CFTR: variants seen among roughly 807,000 people sequenced by gnomAD.
The protein encoded by CFTR is cystic fibrosis transmembrane conductance regulator.
Under a neutral mutation model 171.6 loss-of-function variants are expected in CFTR, and 181 were observed. The observed-to-expected ratio is 1.05, with a 90% CI of 0.93 to 1.19. The LOEUF is 1.19. Ranked by LOEUF, CFTR falls within the 50% of genes most tolerant of loss-of-function variation. The pLI, the probability that CFTR is intolerant of heterozygous loss-of-function variation, is 0.00. For missense variants in CFTR, 1,968 were observed against 1,734.7 expected (o/e 1.13, Z -2.39); for synonymous variants, 583 against 608.0 (o/e 0.96, Z 0.60).
At chr7:117,552,311 T>C (rs186480714) in intron 10 of CFTR, among the ~76,000 whole-genome samples, 1 of 152,098 alleles carries the variant, frequency 6.6e-6, no homozygotes, top group East Asian at 1.9e-4. Context: ...CATATATATA[T>C]TTTTAACCTG....
chr7:117,530,418 A>C (rs1485516947), intron 3 of CFTR, among the ~76,000 whole-genome samples: 2 of 152,154 alleles, frequency 1.3e-5, no homozygotes, highest in Admixed American at 6.5e-5. Flanking sequence ...TTGAAATTAC[A>C]TCAGGTCACT....
intron 10 of CFTR, among the ~76,000 whole-genome samples, chr7:117,551,141 C>T (rs1584794767): frequency 1.3e-5 from 2 of 152,238 alleles, no homozygotes; most frequent in Middle Eastern, 6.8e-3. Context: ...ACACTGCTTT[C>T]AGGAGCCAAA....
intron 11 of CFTR, among the ~76,000 whole-genome samples, chr7:117,586,941 T>C (rs1407458469): frequency 6.6e-6 from 1 of 152,246 alleles, no homozygotes; most frequent in Non-Finnish European, 1.5e-5. Context: ...TTTTATAAAC[T>C]ATCTTAAAAT....
intron 1 of CFTR, among the ~76,000 whole-genome samples, chr7:117,496,944 G>A (rs922194436): frequency 6.6e-6 from 1 of 150,422 alleles, no homozygotes; most frequent in African/African-American, 2.4e-5. Flanking sequence ...TAATGTTTGT[G>A]GATTTTCTTT....
chr7:117,652,245 T>C (rs1373121994), intron 23 of CFTR, among the ~76,000 whole-genome samples: 1 of 152,196 alleles, frequency 6.6e-6, no homozygotes, highest in Non-Finnish European at 1.5e-5. Context: ...TAAACAATTA[T>C]TTGACTTCTG....
intron 11 of CFTR, among the ~76,000 whole-genome samples, chr7:117,568,880 CTT>C (rs1791644120): frequency 1.3e-5 from 2 of 152,212 alleles, no homozygotes; most frequent in African/African-American, 4.8e-5. Context: ...ACTTTGTACT[CTT>C]TGACCAACAT....
At chr7:117,546,467 CAT>C (rs1799149336) in intron 9 of CFTR, among the ~76,000 whole-genome samples, 1 of 151,944 alleles carries the variant, frequency 6.6e-6, no homozygotes, top group Admixed American at 6.6e-5. Context: ...TGTAAATATA[CAT>C]ATTTATTAAA....
chr7:117,488,777 A>T (rs1798112669), intron 1 of CFTR, among the ~76,000 whole-genome samples: 1 of 152,140 alleles, frequency 6.6e-6, no homozygotes, highest in Admixed American at 6.6e-5. Flanking sequence ...GATTTTGTAT[A>T]ACATTTATAT....
chr7:117,632,714 G>A (rs184760117), intron 22 of CFTR, among the ~76,000 whole-genome samples: 20 of 152,312 alleles, frequency 1.3e-4, no homozygotes, highest in African/African-American at 4.6e-4. Flanking sequence ...GTTGGTGGCA[G>A]GAAGTAGAAA....
intron 1 of CFTR, among the ~76,000 whole-genome samples, chr7:117,495,305 G>T (rs984249103): frequency 6.6e-6 from 1 of 152,088 alleles, no homozygotes; most frequent in African/African-American, 2.4e-5. Context: ...TCCTGGAAAG[G>T]CACTCTGAGG....
intron 23 of CFTR, among the ~76,000 whole-genome samples, chr7:117,644,175 C>CAT (rs1309258549): frequency 6.6e-6 from 1 of 151,750 alleles, no homozygotes; most frequent in Non-Finnish European, 1.5e-5. Context: ...CGATGCTTTT[C>CAT]ATATATGTGT....
intron 11 of CFTR, among the ~76,000 whole-genome samples, chr7:117,578,846 T>C (rs548881111): frequency 2.0e-5 from 3 of 152,116 alleles, no homozygotes; most frequent in South Asian, 2.1e-4. Flanking sequence ...AATGAAGATA[T>C]CTAAATTTCT....
rs780292934 is a variant in CFTR at position 117,627,785 on chromosome 7, C to A, written c.3717+15C>A. On this transcript the variant is annotated intron_variant, in intron 22 of 26. Coordinates refer to ENST00000003084, the MANE Select transcript of CFTR (RefSeq NM_000492.4). ...CTGGCCAGAGGGTGAGATTTGAACACTGCTTGCTTTGTTAGACTGTGTTCA... is the reference window on the plus strand; with the variant it reads ...CTGGCCAGAGGGTGAGATTTGAACAATGCTTGCTTTGTTAGACTGTGTTCA... The A allele has an allele frequency of 6.2e-7, 1 of 1,608,088 alleles. No individual in the cohort carries two copies. The highest frequency in any genetic ancestry group is 2.2e-5 in the East Asian group (1 of 44,830).
intron 1 of CFTR, among the ~76,000 whole-genome samples, chr7:117,482,692 G>A (rs139941795): frequency 1.3e-3 from 197 of 152,268 alleles, no homozygotes; most frequent in African/African-American, 4.6e-3. Flanking sequence ...CACCAACAGA[G>A]ATTGTGCTAT....
intron 22 of CFTR, among the ~76,000 whole-genome samples, chr7:117,631,659 A>G (rs1470166753): frequency 1.3e-5 from 2 of 152,168 alleles, no homozygotes; most frequent in African/African-American, 4.8e-5. Flanking sequence ...TTCCAGAGAG[A>G]GCACAGAATC....
At chr7:117,516,193 A>G (rs1798593916) in intron 3 of CFTR, among the ~76,000 whole-genome samples, 1 of 152,168 alleles carries the variant, frequency 6.6e-6, no homozygotes, top group South Asian at 2.1e-4. Context: ...AGTAAAATAT[A>G]TATGATGCAC....
intron 3 of CFTR, among the ~76,000 whole-genome samples, chr7:117,520,681 T>G (rs1490382428): frequency 2.0e-5 from 3 of 151,974 alleles, no homozygotes; most frequent in Non-Finnish European, 4.4e-5. Flanking sequence ...TGATTTAATA[T>G]CCAGTAATGT....
chr7:117,531,034 C>T lies in CFTR; in HGVS notation c.409C>T (p.Leu137Phe). 1 of 1,613,788 alleles carries T rather than the reference C, an allele frequency of 6.2e-7. No individual in the cohort carries two copies. ...LCLLFIVRTL[L>F]LHPAIFGLHH... ...CCTTCTCTTTATTGTGAGGACACTGCTCCTACACCCAGCCATTTTTGGCCT... is the reference window on the plus strand; with the variant it reads ...CCTTCTCTTTATTGTGAGGACACTGTTCCTACACCCAGCCATTTTTGGCCT... Residue 137 changes from leucine (L) to phenylalanine (F), a missense_variant, in exon 4 of 27, where the codon CTC becomes TTC. Transcript: ENST00000003084.
chr7:117,584,513 T>G (rs57926432), intron 11 of CFTR, among the ~76,000 whole-genome samples: 43 of 152,306 alleles, frequency 2.8e-4, no homozygotes, highest in African/African-American at 8.9e-4. Context: ...GGTTCTCTAT[T>G]CTGTTCCATT....
Sources: allele counts gnomAD v4.1 joint callset (sites outside exome capture counted in the v4.1 genomes callset), GRCh38; gene constraint gnomAD v4.1.1; transcripts MANE v1.5; gene names NCBI Gene and HGNC (gene_info 2026-07-23, HGNC 2026-07-21).